Variants in ACIN1 observed in about 807,000 individuals in gnomAD.
ACIN1 encodes apoptotic chromatin condensation inducer 1, also known as apoptotic chromatin condensation inducer in the nucleus.
ACIN1 carries 16 observed loss-of-function variants against 146.6 expected under a neutral mutation model. The ratio of observed to expected loss-of-function variants is 0.11; its 90% CI spans 0.07 to 0.17. The LOEUF (loss-of-function observed/expected upper bound fraction) is 0.17, where lower values mean the gene tolerates loss of function less well. ACIN1 is among the 10% of genes least tolerant of loss of function. The probability of loss-of-function intolerance (pLI) is 1.00; values close to 1 mark genes in which losing one functional copy is unlikely to be tolerated. For synonymous variants in ACIN1, 569 were observed against 582.7 expected, an observed-to-expected ratio of 0.98 and a Z score of 0.34; for missense variants, 1,357 against 1,609.3, an observed-to-expected ratio of 0.84 and a Z score of 2.68.
At position 23,089,994 on chromosome 14, in the gene ACIN1, T is replaced by A; in HGVS notation, c.424A>T (p.Arg142Ter). The A allele has an allele frequency of 6.2e-7, 1 of 1,612,468 alleles. No homozygotes were observed. Reference sequence around the variant, plus strand: ...GGGAGATACGTACTGGGCGAATGTCTGCTGAGCTCCAGCTCTGGTCTCTCC... The same window carrying A: ...GGGAGATACGTACTGGGCGAATGTCAGCTGAGCTCCAGCTCTGGTCTCTCC... The part of the protein sequence containing the change: ...SLERPELELS[R>*]HSPRKSSSIS... Residue 142 changes from arginine (R) to a stop codon, truncating the protein, a stop_gained, in exon 4 of 19, where the codon AGA (arginine) becomes TGA (stop). Transcript: ENST00000605057. LOFTEE classifies it high-confidence loss of function.
rs566049208 is a variant in ACIN1 at position 23,067,423 on chromosome 14, G to T, written c.2266-1415C>A. On this transcript the variant is annotated intron_variant, in intron 9 of 18. Transcript: ENST00000605057. This position sits in a 1 kb window ranked among gnomAD's most constrained non-coding sequence, Gnocchi z 4.6. ...CTAGGCGCTGTGCAATTGGTGGGGG[G>T]TTGGGTTGGCAAAAAAGGTGGGCGC... is the stretch of plus-strand genomic sequence containing the variant. 1 of 984,010 alleles carries T rather than the reference G, an allele frequency of 1.0e-6. No homozygotes were observed. Among genetic ancestry groups the T allele is most frequent in the South Asian group, 4.7e-5 (1 of 21,160 alleles). 61.0% of individuals were successfully genotyped at this position (984,010 alleles called of 1,614,324 possible).
intron 10 of ACIN1, among the ~76,000 whole-genome samples, chr14:23,065,530 T>G (rs1349785923): frequency 6.6e-6 from 1 of 152,206 alleles, no homozygotes; most frequent in Non-Finnish European, 1.5e-5. Context: ...GAGGTTGCAG[T>G]GAGCCAAAAT....
At chr14:23,075,475 G>A (rs974916082) in intron 8 of ACIN1, among the ~76,000 whole-genome samples, 2 of 151,934 alleles carry the variant, frequency 1.3e-5, no homozygotes, top group Non-Finnish European at 2.9e-5. Context: ...CCTGCTCCAA[G>A]CAATGAAAAA....
At chr14:23,086,923 C>T (rs1413512593) in intron 4 of ACIN1, among the ~76,000 whole-genome samples, 5 of 152,158 alleles carry the variant, frequency 3.3e-5, no homozygotes, top group Non-Finnish European at 5.9e-5. Flanking sequence ...TCAACAGAAC[C>T]ACTCAGGGAC....
At position 23,068,110 on chromosome 14, in the gene ACIN1, T is replaced by C. The variant is rs1034626561; in HGVS notation, c.2265+1366A>G. On this transcript the variant is annotated intron_variant, in intron 9 of 18. Coordinates refer to ENST00000605057, the MANE Select transcript of ACIN1 (RefSeq NM_001386863.1). This position sits in a 1 kb window ranked among gnomAD's most constrained non-coding sequence, Gnocchi z 4.3. Reference sequence around the variant, plus strand: ...CATCTGATGAGCAAGTGGTGACACATGGGCTGGGCTGTCATCAGCATTAAA... The same window carrying C: ...CATCTGATGAGCAAGTGGTGACACACGGGCTGGGCTGTCATCAGCATTAAA... The C allele has an allele frequency of 2.0e-6, 2 of 985,684 alleles. No individual in the cohort carries two copies. The highest frequency in any genetic ancestry group is 3.5e-5 in the African/African-American group (2 of 57,190). The allele number at this position is 985,684 out of a possible 1,614,324, so 61.1% of individuals were successfully genotyped here.
chr14:23,059,207 G>C lies in ACIN1; in HGVS notation c.3793C>G (p.Arg1265Gly), dbSNP rs1191540651. ...GRERDRRDTK[R>G]HSRSRSRSTP... The stretch of plus-strand genomic sequence containing the variant: ...CTCCGACTCCGGCTTCTGCTGTGGC[G>C]CTTGGTGTCCCTGCGATCCCTTTCC... The change falls in exon 19 of 19, where the codon CGC (arginine) becomes GGC (glycine). Residue 1265 changes from arginine (R) to glycine (G), a missense_variant. Transcript: ENST00000605057. 6.2e-7 allele frequency: 1 copy of C among 1,613,804 alleles called. No homozygotes were observed. Among genetic ancestry groups the C allele is most frequent in the Non-Finnish European group, 8.5e-7 (1 of 1,179,996 alleles).
At chr14:23,064,024 A>C in intron 12 of ACIN1, 81 bp downstream of exon 12, 1 of 1,570,440 alleles carries the variant, frequency 6.4e-7, no homozygotes, top group Non-Finnish European at 8.7e-7. Flanking sequence ...CCCTCCAAAG[A>C]CTTTATCTCA....
chr14:23,083,686 G>A (rs558698742), intron 4 of ACIN1, among the ~76,000 whole-genome samples: 125 of 151,884 alleles, frequency 8.2e-4, no homozygotes, highest in African/African-American at 2.7e-3. Context: ...TCGAGATCGC[G>A]CCACTGCACT....
In ACIN1 at chr14:23,080,437, C is replaced by G. The variant is rs779046570; in HGVS notation, c.898G>C (p.Glu300Gln). The change falls in exon 6 of 19, where the codon GAG becomes CAG. Residue 300 changes from glutamate to glutamine, a missense_variant. This residue lies in a region of ACIN1 where 771 missense variants were observed against 746.6 expected (regional missense o/e 1.03). Transcript: ENST00000605057. ...RKSHLARQQQ[E>Q]KEMKTTSPLE... The stretch of plus-strand genomic sequence containing the variant: ...GGAGATGTTGTTTTCATTTCCTTCT[C>G]CTGCTGCTGTCTGGCCAGATGACTT... The G allele has an allele frequency of 2.5e-6, 4 of 1,614,120 alleles. No homozygotes were observed. The Admixed American group carries it at 6.7e-5, about 27-fold the overall frequency.
intron 16 of ACIN1, among the ~76,000 whole-genome samples, 197 bp downstream of exon 16, chr14:23,061,971 C>CAAAAAAAAAAAAA (rs57962360): frequency 8.5e-5 from 5 of 59,144 alleles, no homozygotes; most frequent in African/African-American, 3.7e-4. Context: ...GACTCTGTCT[C>CAAAAAAAAAAAAA]AAAAAAAAAA....
intron 14 of ACIN1, 117 bp from the exon 15 acceptor site, chr14:23,062,640 A>G: frequency 9.0e-6 from 9 of 1,001,338 alleles, no homozygotes; most frequent in Non-Finnish European, 1.1e-5. Context: ...GAGGGCAGAG[A>G]GTTTAGGAAC....
intron 7 of ACIN1, 120 bp downstream of exon 7, chr14:23,078,700 A>G: frequency 9.6e-7 from 1 of 1,046,698 alleles, no homozygotes; most frequent in Non-Finnish European, 1.4e-6. Context: ...ATTAACAGGT[A>G]TCCACCACAT....
chr14:23,071,613 G>C lies in ACIN1; in HGVS notation c.2124-1996C>G, dbSNP rs560379119. On this transcript the variant is annotated intron_variant, in intron 8 of 18. Coordinates refer to ENST00000605057, the MANE Select transcript of ACIN1 (RefSeq NM_001386863.1). The stretch of plus-strand genomic sequence containing the variant: ...ATGGGGGAGGGCCTTGCTGCAGCAG[G>C]GGAGGGGAAAGAAAAGAGGGAGGGA... 9.4e-6 allele frequency: 14 copies of C among 1,496,546 alleles called. No homozygotes were observed. In the African/African-American group the frequency reaches 1.3e-4, roughly 13 times the overall value. 92.7% of individuals were successfully genotyped at this position (1,496,546 alleles called of 1,614,324 possible).
At chr14:23,094,751 A>C (rs902149926) in intron 1 of ACIN1, 41 of 730,676 alleles carry the variant, frequency 5.6e-5, no homozygotes, top group Admixed American at 1.8e-4. Flanking sequence ...AGAGTAGTGC[A>C]CACCCTCCCA....
chr14:23,081,794 T>C lies in ACIN1; in HGVS notation c.479A>G (p.Asp160Gly). 2 of 1,613,090 alleles carry C rather than the reference T, an allele frequency of 1.2e-6. No homozygotes were observed. Among genetic ancestry groups the C allele is most frequent in the Non-Finnish European group, 1.7e-6 (2 of 1,179,920 alleles). ...SISEEKGDSDDEKPRKGERRS... is the reference protein window; with the variant it reads ...SISEEKGDSDGEKPRKGERRS... ...TCTTTCTCCTTTCCTTGGTTTCTCA[T>C]CATCAGAGTCACCTTTCTCTTCAGA... Residue 160 changes from aspartate (D) to glycine (G), a missense_variant, in exon 5 of 19, where the codon GAT (aspartate) becomes GGT (glycine). Coordinates refer to ENST00000605057, the MANE Select transcript of ACIN1 (RefSeq NM_001386863.1).
intron 18 of ACIN1, 59 bp from the exon 19 acceptor site, chr14:23,059,533 T>C (rs1467195571): frequency 1.4e-6 from 2 of 1,414,320 alleles, no homozygotes; most frequent in Non-Finnish European, 2.0e-6. Context: ...CAGCCTCCAT[T>C]TGTGCCTGGA....
In ACIN1 at chr14:23,071,330, C is replaced by T. The variant is rs1034508848; in HGVS notation, c.2124-1713G>A. ...AGAGAGAAAATTGAGATGTAGCAAC[C>T]GGGGATCCAAAAAATGGTAAATGGA... On this transcript the variant is annotated intron_variant, in intron 8 of 18. Coordinates refer to ENST00000605057, the MANE Select transcript of ACIN1 (RefSeq NM_001386863.1). 1.7e-4 allele frequency: 259 copies of T among 1,512,310 alleles called. No individual in the cohort carries two copies. In the African/African-American group the frequency reaches 1.8e-3, roughly 10 times the overall value. 93.7% of individuals were successfully genotyped at this position (1,512,310 alleles called of 1,614,324 possible). A position where few individuals can be genotyped will look rare whatever the true frequency, so the allele number is the denominator to read the frequency against.
At chr14:23,069,430 G>A (rs1007309318) in intron 9 of ACIN1, 46 bp downstream of exon 9, 27 of 1,595,994 alleles carry the variant, frequency 1.7e-5, no homozygotes, top group Non-Finnish European at 2.3e-5. Context: ...CTTTCCCCTA[G>A]GTCCATTCCT....
At chr14:23,091,263 T>C (rs1189472463) in intron 2 of ACIN1, among the ~76,000 whole-genome samples, 3 of 152,134 alleles carry the variant, frequency 2.0e-5, no homozygotes, top group African/African-American at 7.2e-5. Context: ...ATTCCTAGAT[T>C]ACGTGGAACA....
Sources: gnomAD v4.1 joint callset for allele counts (sites outside exome capture counted in the v4.1 genomes callset) on GRCh38, gnomAD v4.1.1 for gene constraint, gnomAD v4.1.1 regional missense constraint, Gnocchi (gnomAD v3.1) non-coding constraint, MANE v1.5 for transcripts, NCBI Gene and HGNC (gene_info 2026-07-23, HGNC 2026-07-21) for gene names.